PXYLP1: variants seen among roughly 807,000 people sequenced by gnomAD.
PXYLP1 encodes acid phosphatase-like 2.
PXYLP1 carries 17 observed loss-of-function variants against 37.9 expected under a neutral mutation model. The observed-to-expected ratio is 0.45, with a 90% CI of 0.31 to 0.67. PXYLP1 has a LOEUF of 0.67. PXYLP1 is among the 30% of genes least tolerant of loss of function. The probability of loss-of-function intolerance (pLI) is 0.07; values close to 1 mark genes in which losing one functional copy is unlikely to be tolerated. For synonymous variants in PXYLP1, 221 were observed against 232.2 expected, an observed-to-expected ratio of 0.95 and a Z score of 0.44; for missense variants, 511 against 612.0, an observed-to-expected ratio of 0.84 and a Z score of 1.74.
rs55888415 is a variant in PXYLP1 at position 141,248,023 on chromosome 3, G to GTTTT, written c.-53-12086_-53-12083dup. 5.5e-4 allele frequency among the ~76,000 whole-genome samples: 67 copies of GTTTT among 122,874 alleles called. 1 individual carries two copies. The highest frequency in any genetic ancestry group is 8.5e-4 in the Non-Finnish European group (52 of 61,008). 80.6% of individuals were successfully genotyped at this position (122,874 alleles called of 152,430 possible). On this transcript the variant is annotated intron_variant, in intron 1 of 5. Coordinates refer to ENST00000286353, the MANE Select transcript of PXYLP1 (RefSeq NM_001037172.3). Reference sequence around the variant, plus strand: ...CGGAGCTTTTAAGAGTTTTTGTTTTGTTTTTTTTTTTTTTTTTGAGATGGA... The same window carrying GTTTT: ...CGGAGCTTTTAAGAGTTTTTGTTTTGTTTTTTTTTTTTTTTTTTTTTGAGATGGA...
chr3:141,242,334 T>C (rs7618821), intron 1 of PXYLP1, among the ~76,000 whole-genome samples: 35,127 of 152,126 alleles, frequency 0.23, 5,783 homozygotes, highest in African/African-American at 0.47. Flanking sequence ...TGGAGGCTGG[T>C]GTGCAGTCCA....
intron 2 of PXYLP1, among the ~76,000 whole-genome samples, chr3:141,263,462 T>G (rs1941438868): frequency 6.6e-6 from 1 of 152,218 alleles, no homozygotes; most frequent in Admixed American, 6.5e-5. Context: ...GGCATAGATA[T>G]TTTTGGTTAT....
chr3:141,270,824 G>A (rs997809744), intron 2 of PXYLP1, among the ~76,000 whole-genome samples: 2 of 152,154 alleles, frequency 1.3e-5, no homozygotes, highest in Admixed American at 6.5e-5. Flanking sequence ...TGAAGGGAGC[G>A]CCTTTTAAGA....
intron 3 of PXYLP1, among the ~76,000 whole-genome samples, 165 bp from the exon 4 acceptor site, chr3:141,279,213 C>T (rs576601271): frequency 6.6e-6 from 1 of 152,342 alleles, no homozygotes; most frequent in Non-Finnish European, 1.5e-5. Flanking sequence ...TCCAGAATGG[C>T]AGCCAGGGCC....
Position 141,253,111 on chromosome 3 carries a change from G to A in PXYLP1, c.-53-7012G>A, listed in dbSNP as rs909548075. 4.0e-5 allele frequency among the ~76,000 whole-genome samples: 6 copies of A among 151,876 alleles called. No individual in the cohort carries two copies. The East Asian group carries it at 5.8e-4, about 15-fold the overall frequency. ...ATCCTGCAATCAGACCCCTCTTCCCGCTCCATCCTGCAGCTCAGTCAGCTT... is the reference window on the plus strand; with the variant it reads ...ATCCTGCAATCAGACCCCTCTTCCCACTCCATCCTGCAGCTCAGTCAGCTT... On this transcript the variant is annotated intron_variant, in intron 1 of 5. Transcript: ENST00000286353.
chr3:141,278,939 G>T (rs965373377), intron 3 of PXYLP1, among the ~76,000 whole-genome samples: 52 of 152,182 alleles, frequency 3.4e-4, no homozygotes, highest in Non-Finnish European at 6.2e-4. Context: ...TACAAGTTTT[G>T]CTTTTGTAAA....
At chr3:141,248,892 CAGAG>C (rs1417454312) in intron 1 of PXYLP1, among the ~76,000 whole-genome samples, 1 of 139,282 alleles carries the variant, frequency 7.2e-6, no homozygotes. Flanking sequence ...GAGAGAGAGA[CAGAG>C]TGAGTGTGTG....
chr3:141,290,640 T>C (rs1942180854), intron 5 of PXYLP1, among the ~76,000 whole-genome samples: 1 of 152,116 alleles, frequency 6.6e-6, no homozygotes, highest in Non-Finnish European at 1.5e-5. Flanking sequence ...GTTTGGCAAG[T>C]ATAAGAAGCC....
At chr3:141,265,499 C>G (rs561395405) in intron 2 of PXYLP1, among the ~76,000 whole-genome samples, 111 of 151,886 alleles carry the variant, frequency 7.3e-4, no homozygotes, top group Non-Finnish European at 1.4e-3. Context: ...AAGGGTGATG[C>G]TGGGAGGCAC....
chr3:141,270,300 G>T (rs1941629116), intron 2 of PXYLP1, among the ~76,000 whole-genome samples: 1 of 152,242 alleles, frequency 6.6e-6, no homozygotes, highest in Non-Finnish European at 1.5e-5. Context: ...AAAACCAAGT[G>T]TCTCAAAGTC....
intron 1 of PXYLP1, among the ~76,000 whole-genome samples, chr3:141,255,884 G>A (rs1456663323): frequency 1.3e-5 from 2 of 152,152 alleles, no homozygotes; most frequent in African/African-American, 4.8e-5. Flanking sequence ...TCTTGGAGTG[G>A]GGCCCAACAG....
At chr3:141,283,594 CAAAG>C (rs1486770001) in intron 4 of PXYLP1, among the ~76,000 whole-genome samples, 4 of 152,174 alleles carry the variant, frequency 2.6e-5, no homozygotes, top group African/African-American at 7.2e-5. Context: ...AAGCTAAAAA[CAAAG>C]AAAAGTACAC....
chr3:141,293,142 G>A lies in PXYLP1; in HGVS notation c.1380G>A (p.Met460Ile), dbSNP rs767434293. The stretch of plus-strand genomic sequence containing the variant: ...TGGTCCGCTTTGTGAAAAGGGACAT[G>A]TTTGTAGCCCTGGGTGGCAGTGGTA... ...ENLVRFVKRD[M>I]FVALGGSGTN... Residue 460 changes from methionine to isoleucine, a missense_variant, in exon 6 of 6, where the codon ATG becomes ATA. Met to Ile is a conservative substitution (Grantham distance 10). Transcript: ENST00000286353. The A allele has an allele frequency of 3.1e-6, 5 of 1,614,038 alleles. No homozygotes were observed. The East Asian group carries it at 6.7e-5, about 22-fold the overall frequency.
chr3:141,265,507 C>T (rs1462310927), intron 2 of PXYLP1, among the ~76,000 whole-genome samples: 2 of 151,816 alleles, frequency 1.3e-5, no homozygotes, highest in Non-Finnish European at 2.9e-5. Context: ...TGCTGGGAGG[C>T]ACCTCAGAGG....
chr3:141,239,961 A>C (rs116703337), intron 1 of PXYLP1, among the ~76,000 whole-genome samples: 30 of 152,354 alleles, frequency 2.0e-4, no homozygotes, highest in Non-Finnish European at 2.8e-4. Flanking sequence ...ATGAATGATG[A>C]GTGGTTGCAA....
chr3:141,246,409 G>A (rs1037218391), intron 1 of PXYLP1, among the ~76,000 whole-genome samples: 3 of 152,178 alleles, frequency 2.0e-5, no homozygotes, highest in South Asian at 4.1e-4. Flanking sequence ...GAAATACAGG[G>A]TAACTTGAGA....
intron 1 of PXYLP1, among the ~76,000 whole-genome samples, chr3:141,240,436 A>T (rs1940767106): frequency 6.6e-6 from 1 of 151,994 alleles, no homozygotes; most frequent in Non-Finnish European, 1.5e-5. Context: ...CCTTTGCCTC[A>T]CTCAGCTGAA....
chr3:141,271,461 C>T (rs1185674971), intron 2 of PXYLP1, among the ~76,000 whole-genome samples: 2 of 152,190 alleles, frequency 1.3e-5, no homozygotes, highest in Non-Finnish European at 2.9e-5. Flanking sequence ...GGAAGGTAAA[C>T]AGATAGTGGA....
intron 1 of PXYLP1, among the ~76,000 whole-genome samples, chr3:141,254,489 T>C (rs1340632983): frequency 6.6e-6 from 1 of 152,188 alleles, no homozygotes; most frequent in Non-Finnish European, 1.5e-5. Flanking sequence ...ATAACTGCTG[T>C]GAACTCACAG....
Sources: allele counts gnomAD v4.1 joint callset (sites outside exome capture counted in the v4.1 genomes callset), GRCh38; gene constraint gnomAD v4.1.1; transcripts MANE v1.5; gene names NCBI Gene and HGNC (gene_info 2026-07-23, HGNC 2026-07-21).